NSMAF: variants seen among roughly 807,000 people sequenced by gnomAD.
NSMAF encodes protein FAN.
A neutral mutation model predicts 134.9 loss-of-function variants in NSMAF; 90 were observed. The observed-to-expected ratio is 0.67, with a 90% CI of 0.56 to 0.79. The LOEUF is 0.79. Ranked by LOEUF, NSMAF falls within the 30% of genes least tolerant of loss-of-function variation. The pLI is 0.00. For synonymous variants in NSMAF, 358 were observed against 389.6 expected, an observed-to-expected ratio of 0.92 and a Z score of 0.96; for missense variants, 1,010 against 1,119.0, an observed-to-expected ratio of 0.90 and a Z score of 1.39.
At chr8:58,601,155 A>G (rs1585733587) in intron 16 of NSMAF, 130 bp downstream of exon 16, 6 of 754,550 alleles carry the variant, frequency 8.0e-6, no homozygotes, top group East Asian at 5.4e-5. Context: ...CCTGAGAGGA[A>G]TAGATAGAAC....
chr8:58,595,749 A>G, intron 21 of NSMAF, 90 bp from the exon 22 acceptor site: 2 of 789,498 alleles, frequency 2.5e-6, no homozygotes, highest in Admixed American at 2.1e-5. Context: ...TTAAAATCAA[A>G]CAACTAAGAA....
rs570949830 is a variant in NSMAF at position 58,609,771 on chromosome 8, G to A, written c.558-38C>T. 25 of 1,605,856 alleles carry A rather than the reference G, an allele frequency of 1.6e-5. No individual in the cohort carries two copies. The South Asian group carries it at 2.3e-4, about 15-fold the overall frequency. On this transcript the variant is annotated intron_variant, in intron 9 of 30. Transcript: ENST00000038176. ...TTTTCAGCAAAAGTAAGAAAAATCA[G>A]AAATTGATCTACTTTCTAGGTTTAT...
rs943415412 is a variant in NSMAF, at chr8:58,607,924, A to T, written c.688-84T>A. 54 of 1,091,840 alleles carry T rather than the reference A, an allele frequency of 4.9e-5. No homozygotes were observed. The Admixed American group carries it at 9.7e-4, about 20-fold the overall frequency. 67.6% of individuals were successfully genotyped at this position (1,091,840 alleles called of 1,614,324 possible). On this transcript the variant is annotated intron_variant, in intron 10 of 30. Transcript: ENST00000038176. ...CTATAGTATCAGAAAGGGGAAAAAA[A>T]AATCACCAAATCTTGCTTTCCTAAT...
chr8:58,584,228 G>C (rs1357030970), intron 30 of NSMAF, 28 bp from the exon 31 acceptor site: 1 of 1,570,636 alleles, frequency 6.4e-7, no homozygotes. Context: ...TGGTTAGTTA[G>C]GAAGTTGACC....
rs1272853219 is a variant in NSMAF at position 58,623,380 on chromosome 8, G to C, written c.501C>G (p.Ala167=). 2 of 1,613,806 alleles carry C rather than the reference G, an allele frequency of 1.2e-6. No individual in the cohort carries two copies. Among genetic ancestry groups the C allele is most frequent in the East Asian group, 2.2e-5 (1 of 44,868 alleles). The change falls in exon 8 of 31, where the codon GCC becomes GCG. Residue 167 remains alanine (A), a synonymous_variant. Transcript: ENST00000038176. The part of the protein sequence containing the change: ...SCLDKLGDQT[A]MITAILQSRL... Reference sequence around the variant, plus strand: ...AGACATTGTTAAGAATACTTACCATGGCGGTTTGGTCACCCAATTTGTCAA... The same window carrying C: ...AGACATTGTTAAGAATACTTACCATCGCGGTTTGGTCACCCAATTTGTCAA...
At position 58,604,563 on chromosome 8, in the gene NSMAF, T is replaced by A. The variant is rs532981856; in HGVS notation, c.869-1177A>T. Among the ~76,000 whole-genome samples, 404 of 148,456 alleles carry A rather than the reference T, an allele frequency of 2.7e-3. 3 individuals carry two copies. The highest frequency in any genetic ancestry group is 0.014 in the South Asian group (67 of 4,760). On this transcript the variant is annotated intron_variant, in intron 12 of 30. Coordinates refer to ENST00000038176, the MANE Select transcript of NSMAF (RefSeq NM_003580.4). ...TAACTACATAGATATATATAATATA[T>A]ATATATAAACCTACTTTAAAATAAA...
chr8:58,616,699 T>C (rs2129143369), intron 9 of NSMAF, among the ~76,000 whole-genome samples: 2 of 152,262 alleles, frequency 1.3e-5, no homozygotes, highest in South Asian at 4.1e-4. Flanking sequence ...AATGAGGCAA[T>C]AATGTTCATT....
At chr8:58,636,227 A>C (rs1417308103) in intron 2 of NSMAF, among the ~76,000 whole-genome samples, 1 of 152,174 alleles carries the variant, frequency 6.6e-6, no homozygotes. Context: ...ATATGTGGTC[A>C]CTCTTGTCTT....
Position 58,588,640 on chromosome 8 carries a change from C to T in NSMAF, c.2211+812G>A, listed in dbSNP as rs554169087. ...GACTGCTGCGGCCTCCACTATGTTTCGAATGACGAATTTCTTAATGGCCTT... is the reference window on the plus strand; with the variant it reads ...GACTGCTGCGGCCTCCACTATGTTTTGAATGACGAATTTCTTAATGGCCTT... On this transcript the variant is annotated intron_variant, in intron 26 of 30. Transcript: ENST00000038176. 7.3e-5 allele frequency: 111 copies of T among 1,522,268 alleles called. 1 individual carries two copies. The highest frequency in any genetic ancestry group is 6.9e-4 in the African/African-American group (51 of 74,314). 94.3% of individuals were successfully genotyped at this position (1,522,268 alleles called of 1,614,324 possible).
chr8:58,652,313 A>G (rs754948463), intron 1 of NSMAF, among the ~76,000 whole-genome samples: 3 of 152,222 alleles, frequency 2.0e-5, no homozygotes, highest in African/African-American at 7.2e-5. Context: ...GGCCTCCTGC[A>G]AAGTTTCAGG....
At chr8:58,606,926 C>A (rs1806422639) in intron 11 of NSMAF, among the ~76,000 whole-genome samples, 2 of 152,184 alleles carry the variant, frequency 1.3e-5, no homozygotes, top group African/African-American at 4.8e-5. Flanking sequence ...ATGTTAATTT[C>A]TTCTCTTTTT....
At chr8:58,648,077 C>T (rs1374117244) in intron 1 of NSMAF, among the ~76,000 whole-genome samples, 3 of 152,130 alleles carry the variant, frequency 2.0e-5, no homozygotes, top group African/African-American at 4.8e-5. Context: ...CAGGCTGACA[C>T]GGTCTCAGAT....
At position 58,590,889 on chromosome 8, in the gene NSMAF, C is replaced by G. The variant is rs1210708923; in HGVS notation, c.1997G>C (p.Arg666Thr). Residue 666 changes from arginine (R) to threonine (T), a missense_variant, in exon 24 of 31, where the codon AGA (arginine) becomes ACA (threonine). Coordinates refer to ENST00000038176, the MANE Select transcript of NSMAF (RefSeq NM_003580.4). ...CACCATATTTGAAAATGATATACTT[C>G]TTTGTAGCATTTTTGATTCTTTAGA... is the stretch of plus-strand genomic sequence containing the variant. ...MFSKESKMLQ[R>T]SISFSNMALS... The G allele has an allele frequency of 1.9e-6, 3 of 1,563,096 alleles. No homozygotes were observed. The East Asian group carries it at 6.9e-5, about 36-fold the overall frequency.
At chr8:58,586,169 CAAGATGT>C (rs1194103240) in intron 28 of NSMAF, among the ~76,000 whole-genome samples, 169 bp from the exon 29 acceptor site, 1 of 152,086 alleles carries the variant, frequency 6.6e-6, no homozygotes, top group Non-Finnish European at 1.5e-5. Flanking sequence ...TAGCCCTTTC[CAAGATGT>C]AAGGATGAGA....
chr8:58,605,811 C>T (rs1471720857), intron 12 of NSMAF, 116 bp downstream of exon 12: 132 of 1,110,492 alleles, frequency 1.2e-4, no homozygotes, highest in East Asian at 1.8e-4. Context: ...ACCCAGGAGG[C>T]GGAGGTTGCA....
chr8:58,607,652 C>T, intron 11 of NSMAF, 117 bp downstream of exon 11: 19 of 748,300 alleles, frequency 2.5e-5, no homozygotes, highest in Non-Finnish European at 4.4e-5. Flanking sequence ...AGTCTATTTT[C>T]TTACAGGACA....
intron 6 of NSMAF, among the ~76,000 whole-genome samples, chr8:58,625,930 T>C (rs116638259): frequency 0.014 from 2,093 of 152,158 alleles, 53 homozygotes; most frequent in African/African-American, 0.048. Context: ...TTTATTTTGA[T>C]AGTTTTTGTG....
chr8:58,625,000 T>C (rs184706906), intron 6 of NSMAF, among the ~76,000 whole-genome samples: 52 of 152,308 alleles, frequency 3.4e-4, no homozygotes, highest in Non-Finnish European at 2.9e-5. Context: ...GACCAAATAT[T>C]TAGTTAAACA....
intron 1 of NSMAF, among the ~76,000 whole-genome samples, chr8:58,646,572 T>C (rs989814876): frequency 2.0e-5 from 3 of 152,194 alleles, no homozygotes; most frequent in Non-Finnish European, 4.4e-5. Flanking sequence ...ATCATATTGT[T>C]TGAAGTAAAG....
Sources: gnomAD v4.1 joint callset for allele counts (sites outside exome capture counted in the v4.1 genomes callset) on GRCh38, gnomAD v4.1.1 for gene constraint, MANE v1.5 for transcripts, NCBI Gene and HGNC (gene_info 2026-07-23, HGNC 2026-07-21) for gene names.